Variants in MPHOSPH9 observed in about 807,000 individuals in gnomAD.
MPHOSPH9 encodes the protein M-phase phosphoprotein 9.
MPHOSPH9 carries 88 observed loss-of-function variants against 145.5 expected under a neutral mutation model. That is an observed-to-expected ratio of 0.60 (90% CI 0.51 to 0.72). MPHOSPH9 has a LOEUF of 0.72. Among genes scored for constraint, MPHOSPH9 ranks in the 30% least tolerant of loss-of-function variants. MPHOSPH9 has a pLI of 0.00. For missense variants in MPHOSPH9, 1,238 were observed against 1,386.6 expected, an observed-to-expected ratio of 0.89 and a Z score of 1.70; for synonymous variants, 435 against 486.2, an observed-to-expected ratio of 0.89 and a Z score of 1.39.
intron 6 of MPHOSPH9, among the ~76,000 whole-genome samples, chr12:123,215,966 G>A (rs944407548): frequency 2.0e-5 from 3 of 152,178 alleles, no homozygotes; most frequent in South Asian, 2.1e-4. Context: ...GGCCGGGCGC[G>A]GTGGCTCACG....
intron 8 of MPHOSPH9, among the ~76,000 whole-genome samples, chr12:123,206,570 T>A (rs1450401994): frequency 6.6e-6 from 1 of 151,780 alleles, no homozygotes; most frequent in African/African-American, 2.4e-5. Context: ...AGGAAAGAAT[T>A]TTAGCCACTT....
intron 13 of MPHOSPH9, among the ~76,000 whole-genome samples, chr12:123,189,919 G>A (rs2045601822): frequency 1.3e-5 from 2 of 150,686 alleles, no homozygotes. Flanking sequence ...CTGGGCAATG[G>A]AGCGAGACTC....
In MPHOSPH9 at chr12:123,155,626, A is replaced by T. The variant is rs2043844560; in HGVS notation, c.*1181T>A. 6.6e-6 allele frequency: 1 copy of T among 152,196 alleles called. No homozygotes were observed. The highest frequency in any genetic ancestry group is 2.1e-4 in the South Asian group (1 of 4,828). 9.4% of individuals were successfully genotyped at this position (152,196 alleles called of 1,614,324 possible). On this transcript the variant is annotated 3_prime_UTR_variant, in exon 24 of 24. Transcript: ENST00000606320. ...GGAATATGTGGGGCACTGCGTTCTG[A>T]TTGGCTACCAAAAACTAAGTAGTTA... is the stretch of plus-strand genomic sequence containing the variant.
chr12:123,164,117 C>CA, intron 18 of MPHOSPH9, 27 bp from the exon 19 acceptor site: 2 of 1,612,900 alleles, frequency 1.2e-6, no homozygotes, highest in East Asian at 4.5e-5. Flanking sequence ...AAAAGCAAAA[C>CA]AAAAAACAAA....
upstream of MPHOSPH9, among the ~76,000 whole-genome samples, chr12:123,237,900 CTT>C (rs34786765): frequency 2.7e-5 from 4 of 147,986 alleles, no homozygotes; most frequent in South Asian, 2.1e-4. Context: ...CACCAAAACA[CTT>C]TTTTTTTTTT....
chr12:123,211,204 C>T (rs556804793), intron 7 of MPHOSPH9, among the ~76,000 whole-genome samples: 3 of 152,108 alleles, frequency 2.0e-5, no homozygotes, highest in African/African-American at 7.2e-5. Flanking sequence ...AGACTGGTCT[C>T]GAACTCCTGA....
chr12:123,189,977 A>AT (rs1262083689), intron 13 of MPHOSPH9, among the ~76,000 whole-genome samples: 2 of 151,872 alleles, frequency 1.3e-5, no homozygotes, highest in Non-Finnish European at 2.9e-5. Flanking sequence ...GATAGTATTT[A>AT]TAAAAGTTTC....
At chr12:123,208,002 G>A (rs2046516945) in intron 8 of MPHOSPH9, among the ~76,000 whole-genome samples, 1 of 151,744 alleles carries the variant, frequency 6.6e-6, no homozygotes. Context: ...ACTCTGGGAG[G>A]CTGATGTGGG....
chr12:123,212,629 T>C (rs2046776744), intron 7 of MPHOSPH9, among the ~76,000 whole-genome samples: 1 of 147,706 alleles, frequency 6.8e-6, no homozygotes, highest in African/African-American at 2.5e-5. Flanking sequence ...AAAAATCACT[T>C]GAATCTGGCA....
Position 123,218,490 on chromosome 12 carries a change from T to C in MPHOSPH9, c.882A>G (p.Ile294Met), listed in dbSNP as rs138312988. Residue 294 changes from isoleucine (I) to methionine (M), a missense_variant, in exon 6 of 24, where the codon ATA (isoleucine) becomes ATG (methionine). By Grantham distance (10) the Ile-to-Met change is conservative (BLOSUM62 1). Transcript: ENST00000606320. ...GCTTCAGTTTTTGTGCCCATGATGT[T>C]ATAGCATTACTATTTAAGAAGAGAA... is the stretch of plus-strand genomic sequence containing the variant. ...VYSGKTNSNAITSWAQKLKQN... is the reference protein window; with the variant it reads ...VYSGKTNSNAMTSWAQKLKQN... The C allele has an allele frequency of 9.6e-5, 155 of 1,613,584 alleles. No individual in the cohort carries two copies. Among genetic ancestry groups the C allele is most frequent in the South Asian group, 1.8e-4 (16 of 91,030 alleles).
At chr12:123,174,068 G>A (rs2044717415) in intron 16 of MPHOSPH9, among the ~76,000 whole-genome samples, 1 of 152,188 alleles carries the variant, frequency 6.6e-6, no homozygotes, top group Non-Finnish European at 1.5e-5. Flanking sequence ...TAGGTCCCAT[G>A]AAGAACTGAT....
At chr12:123,181,124 C>T (rs369667414) in intron 14 of MPHOSPH9, 39 bp downstream of exon 14, 1 of 1,563,512 alleles carries the variant, frequency 6.4e-7, no homozygotes, top group East Asian at 2.2e-5. Context: ...ATGTTTCTGC[C>T]TCTGCATGAA....
At chr12:123,186,181 C>T (rs1274466324) in intron 13 of MPHOSPH9, among the ~76,000 whole-genome samples, 2 of 135,184 alleles carry the variant, frequency 1.5e-5, no homozygotes, top group South Asian at 2.2e-4. Flanking sequence ...GAGCTGAGAT[C>T]GTGCCATTGC....
At chr12:123,214,153 C>G (rs535998657) in intron 7 of MPHOSPH9, among the ~76,000 whole-genome samples, 2 of 151,994 alleles carry the variant, frequency 1.3e-5, no homozygotes, top group African/African-American at 2.4e-5. Flanking sequence ...TTGGACTACC[C>G]GAAAAAGGTT....
chr12:123,196,531 T>C (rs753795097), intron 12 of MPHOSPH9, among the ~76,000 whole-genome samples: 2 of 152,088 alleles, frequency 1.3e-5, no homozygotes, highest in African/African-American at 2.4e-5. Context: ...GATTGCCTTA[T>C]ACCAAAAGAT....
intron 16 of MPHOSPH9, among the ~76,000 whole-genome samples, chr12:123,168,261 A>G (rs1565902507): frequency 6.6e-6 from 1 of 152,042 alleles, no homozygotes; most frequent in African/African-American, 2.4e-5. Flanking sequence ...CTTTGCTGGA[A>G]AAAAGCCACC....
At position 123,159,040 on chromosome 12, in the gene MPHOSPH9, G is replaced by A. The variant is rs1325859763; in HGVS notation, c.3450+1741C>T. On this transcript the variant is annotated intron_variant, in intron 23 of 23. Transcript: ENST00000606320. This position sits in a 1 kb window ranked among gnomAD's most constrained non-coding sequence, Gnocchi z 4.3. ...AGGGAGTTGGAGGCTGCAGTGAGCC[G>A]AGATTGCGTCACTGCGCTCCAGCCT... is the stretch of plus-strand genomic sequence containing the variant. 6.6e-6 allele frequency among the ~76,000 whole-genome samples: 1 copy of A among 152,130 alleles called. No individual in the cohort carries two copies. Among genetic ancestry groups the A allele is most frequent in the Non-Finnish European group, 1.5e-5 (1 of 68,018 alleles).
At chr12:123,152,544 A>C (rs2043795824), downstream of MPHOSPH9, 1 of 455,640 alleles carries the variant, frequency 2.2e-6, no homozygotes. Flanking sequence ...TATCCTTGAA[A>C]TCTGTAGTCA....
chr12:123,161,468 A>T, intron 21 of MPHOSPH9, 85 bp from the exon 22 acceptor site: 1 of 1,458,552 alleles, frequency 6.9e-7, no homozygotes, highest in Admixed American at 1.9e-5. Flanking sequence ...GCCCAATTTC[A>T]CTTTCTGGAT....
Sources: gnomAD v4.1 joint callset for allele counts (sites outside exome capture counted in the v4.1 genomes callset) on GRCh38, gnomAD v4.1.1 for gene constraint, Gnocchi (gnomAD v3.1) non-coding constraint, MANE v1.5 for transcripts, NCBI Gene and HGNC (gene_info 2026-07-23, HGNC 2026-07-21) for gene names.